The following THSD4 variants were observed in gnomAD, a reference collection of about 807,000 sequenced individuals.
The protein encoded by THSD4 is thrombospondin type-1 domain-containing protein 4.
A neutral mutation model predicts 119.0 loss-of-function variants in THSD4; 69 were observed. That is an observed-to-expected ratio of 0.58 (90% CI 0.48 to 0.71). The LOEUF is 0.71. THSD4 is among the 30% of genes least tolerant of loss of function. The probability of loss-of-function intolerance (pLI) is 0.00; values close to 1 mark genes in which losing one functional copy is unlikely to be tolerated. For missense variants in THSD4, 1,393 were observed against 1,391.1 expected (o/e 1.00, Z -0.02); for synonymous variants, 524 against 540.4 (o/e 0.97, Z 0.42).
intron 6 of THSD4, among the ~76,000 whole-genome samples, chr15:71,371,701 T>C (rs1459086549): frequency 2.6e-5 from 4 of 152,234 alleles, no homozygotes; most frequent in Admixed American, 2.0e-4. Flanking sequence ...TCTCTCTGGC[T>C]GCCCTTAACA....
intron 7 of THSD4, among the ~76,000 whole-genome samples, chr15:71,477,802 C>A (rs1481626747): frequency 6.6e-6 from 1 of 152,214 alleles, no homozygotes. Flanking sequence ...CCATGCTGAA[C>A]CTGCTTCTCC....
At chr15:71,768,142 C>A (rs1356268152) in intron 16 of THSD4, among the ~76,000 whole-genome samples, 1 of 152,044 alleles carries the variant, frequency 6.6e-6, no homozygotes, top group East Asian at 1.9e-4. Flanking sequence ...AGTAAAGGTG[C>A]TGAGGGAATA....
At chr15:71,386,126 A>C (rs1372108744) in intron 6 of THSD4, among the ~76,000 whole-genome samples, 1 of 152,206 alleles carries the variant, frequency 6.6e-6, no homozygotes, top group Non-Finnish European at 1.5e-5. Context: ...ATAAATGCCA[A>C]CGTACAGAAA....
chr15:71,654,818 A>G (rs1404684190), intron 7 of THSD4, among the ~76,000 whole-genome samples: 2 of 152,160 alleles, frequency 1.3e-5, no homozygotes, highest in Admixed American at 1.3e-4. Context: ...ATCTAGCCAA[A>G]CAGTTGAGGT....
chr15:71,494,230 C>T (rs72731102), intron 7 of THSD4, among the ~76,000 whole-genome samples: 19,042 of 152,126 alleles, frequency 0.13, 1,527 homozygotes, highest in Middle Eastern at 0.28. Flanking sequence ...TGAGCATCTG[C>T]GGGGAGGAAC....
intron 8 of THSD4, among the ~76,000 whole-genome samples, chr15:71,681,643 C>G (rs1191975876): frequency 6.9e-6 from 1 of 145,842 alleles, no homozygotes; most frequent in Non-Finnish European, 1.5e-5. Flanking sequence ...CCACTTAACT[C>G]TAGCCTGGGC....
chr15:71,756,478 C>CA lies in THSD4; in HGVS notation c.2416-1424_2416-1423insA, dbSNP rs558568819. Among the ~76,000 whole-genome samples the CA allele has an allele frequency of 3.8e-3, 579 of 152,084 alleles. 7 individuals are homozygous for CA. Among genetic ancestry groups the CA allele is most frequent in the African/African-American group, 0.013 (530 of 41,494 alleles). ...TGTAGGACACCCAGATAAGGACGCC[C>CA]CAAAAATGTTTGAAAAGATAAAGTT... On this transcript the variant is annotated intron_variant, in intron 14 of 17. Transcript: ENST00000261862.
chr15:71,617,732 G>A (rs1215119867), intron 7 of THSD4, among the ~76,000 whole-genome samples: 8 of 152,200 alleles, frequency 5.3e-5, no homozygotes, highest in Non-Finnish European at 7.3e-5. Context: ...GAGGTGAAAC[G>A]ATGGTCATAA....
At chr15:71,714,714 C>T (rs951677065) in intron 8 of THSD4, among the ~76,000 whole-genome samples, 2 of 150,928 alleles carry the variant, frequency 1.3e-5, no homozygotes, top group Non-Finnish European at 2.9e-5. Flanking sequence ...AGCGTGGTGA[C>T]GCATGCCTGT....
chr15:71,319,219 A>G (rs982855793), intron 6 of THSD4, among the ~76,000 whole-genome samples: 9 of 152,160 alleles, frequency 5.9e-5, no homozygotes, highest in Admixed American at 1.3e-4. Context: ...GAACACCACA[A>G]TGTTGACATC....
intron 6 of THSD4, among the ~76,000 whole-genome samples, chr15:71,391,054 T>C (rs1205938774): frequency 1.4e-5 from 2 of 141,620 alleles, no homozygotes; most frequent in Admixed American, 1.4e-4. Flanking sequence ...TCTGAGACCA[T>C]GTCGCGCTCT....
intron 8 of THSD4, among the ~76,000 whole-genome samples, chr15:71,675,548 C>G (rs113410053): frequency 3.3e-5 from 5 of 152,106 alleles, no homozygotes; most frequent in African/African-American, 1.2e-4. Flanking sequence ...GTGTGCAGCC[C>G]GTGTGGGGGT....
At chr15:71,592,584 C>T (rs76010597) in intron 7 of THSD4, among the ~76,000 whole-genome samples, 2 of 152,016 alleles carry the variant, frequency 1.3e-5, no homozygotes, top group East Asian at 3.9e-4. Flanking sequence ...GATCGGGTTC[C>T]CAGACCTGTC....
Position 71,463,094 on chromosome 15 carries a change from T to C in THSD4, c.1152+51271T>C, listed in dbSNP as rs77286885. Among the ~76,000 whole-genome samples the C allele has an allele frequency of 5.7e-3, 866 of 152,338 alleles. 8 individuals carry two copies. Among genetic ancestry groups the C allele is most frequent in the African/African-American group, 0.02 (831 of 41,582 alleles). On this transcript the variant is annotated intron_variant, in intron 7 of 17. Coordinates refer to ENST00000261862, the MANE Select transcript of THSD4 (RefSeq NM_024817.3). Reference sequence around the variant, plus strand: ...TGAGGATGTCCCAATCCTATATTCATGTCGTTGGTTTTTTGAACCTAAATG... The same window carrying C: ...TGAGGATGTCCCAATCCTATATTCACGTCGTTGGTTTTTTGAACCTAAATG...
chr15:71,326,705 A>ATATATATATATG (rs2045350009), intron 6 of THSD4, among the ~76,000 whole-genome samples: 1 of 51,446 alleles, frequency 1.9e-5, no homozygotes, highest in Non-Finnish European at 3.9e-5. Flanking sequence ...AAAAAAATAT[A>ATATATATATATG]TATATATATA....
intron 7 of THSD4, among the ~76,000 whole-genome samples, chr15:71,448,635 A>G (rs1448872639): frequency 6.6e-6 from 1 of 152,222 alleles, no homozygotes; most frequent in East Asian, 1.9e-4. Context: ...TGCAACGTGA[A>G]GCAAGCACAT....
At chr15:71,422,112 C>CT (rs1303075175) in intron 7 of THSD4, among the ~76,000 whole-genome samples, 2 of 152,216 alleles carry the variant, frequency 1.3e-5, no homozygotes, top group Non-Finnish European at 2.9e-5. Flanking sequence ...AATTTCCTGA[C>CT]TGAAAGGTTA....
intron 8 of THSD4, among the ~76,000 whole-genome samples, chr15:71,669,703 GCTTTCCTCCACAATTA>G (rs796765648): frequency 6.6e-6 from 1 of 152,170 alleles, no homozygotes; most frequent in African/African-American, 2.4e-5. Context: ...ACGTTCAGTT[GCTTTCCTCCACAATTA>G]CTTTCATCTG....
intron 6 of THSD4, among the ~76,000 whole-genome samples, chr15:71,343,508 TCA>T (rs1228977932): frequency 6.6e-6 from 1 of 152,150 alleles, no homozygotes; most frequent in African/African-American, 2.4e-5. Context: ...GGGTGAATCC[TCA>T]CTTTCCTCTT....
Sources: allele counts gnomAD v4.1 joint callset (sites outside exome capture counted in the v4.1 genomes callset), GRCh38; gene constraint gnomAD v4.1.1; transcripts MANE v1.5; gene names NCBI Gene and HGNC (gene_info 2026-07-23, HGNC 2026-07-21).